EFHC2: variants seen among roughly 807,000 people sequenced by gnomAD.
EFHC2 encodes EF-hand domain containing 2.
A neutral mutation model predicts 52.7 loss-of-function variants in EFHC2; 18 were observed. The ratio of observed to expected loss-of-function variants is 0.34; its 90% CI spans 0.24 to 0.51. The LOEUF is 0.51. Among genes scored for constraint, EFHC2 ranks in the 20% least tolerant of loss-of-function variants. The pLI is 0.97. For synonymous variants in EFHC2, 203 were observed against 204.1 expected (o/e 0.99, Z 0.04); for missense variants, 513 against 562.5 (o/e 0.91, Z 0.89).
At chrX:44,270,289 A>G (rs969029836) in intron 3 of EFHC2, among the ~76,000 whole-genome samples, 5 of 111,732 alleles carry the variant, frequency 4.5e-5, no homozygotes, top group African/African-American at 1.6e-4. Context: ...TGCTCTAAGA[A>G]AAACCTCAAT....
chrX:44,215,533 G>C (rs1247236858), intron 11 of EFHC2, among the ~76,000 whole-genome samples: 2 of 107,316 alleles, frequency 1.9e-5, no homozygotes, highest in South Asian at 8.7e-4. Flanking sequence ...TTCCATTGGG[G>C]GGGGGTGGTG....
intron 8 of EFHC2, among the ~76,000 whole-genome samples, chrX:44,239,287 T>C (rs938762040): frequency 1.9e-4 from 21 of 112,080 alleles, no homozygotes; most frequent in Non-Finnish European, 3.4e-4. Context: ...AAGTCATCTG[T>C]CTCTTCTATC....
At chrX:44,151,400 C>A (rs185000581) in intron 14 of EFHC2, among the ~76,000 whole-genome samples, 1 of 111,623 alleles carries the variant, frequency 9.0e-6, no homozygotes, top group East Asian at 2.8e-4. Context: ...TTCAGAAGGC[C>A]AGAAGTCCAA....
At chrX:44,270,560 G>C (rs1424798964) in intron 3 of EFHC2, among the ~76,000 whole-genome samples, 1 of 111,795 alleles carries the variant, frequency 8.9e-6, no homozygotes, top group Non-Finnish European at 1.9e-5. Context: ...GAAAGAAAGG[G>C]ATGGAAAAAC....
chrX:44,187,135 G>GTGTATATATATATATATATATA lies in EFHC2; in HGVS notation c.1752-8572_1752-8571insTATATATATATATATATATACA, dbSNP rs1556001678. ...CCATGTCTCAAAGGAAAACAAAATG[G>GTGTATATATATATATATATATA]TATATATATATATATATGGGCTTTA... On this transcript the variant is annotated intron_variant, in intron 11 of 14. Coordinates refer to ENST00000420999, the MANE Select transcript of EFHC2 (RefSeq NM_025184.4). 6.5e-4 allele frequency among the ~76,000 whole-genome samples: 40 copies of GTGTATATATATATATATATATA among 61,753 alleles called. 3 individuals carry two copies. The highest frequency in any genetic ancestry group is 3.0e-3 in the African/African-American group (37 of 12,158). The allele number at this position is 61,753 out of a possible 115,157, so 53.6% of individuals were successfully genotyped here. A position where few individuals can be genotyped will look rare whatever the true frequency, so the allele number is the denominator to read the frequency against.
Position 44,187,971 on chromosome X carries a change from T to TG in EFHC2, c.1752-9408_1752-9407insC, listed in dbSNP as rs1200209711. On this transcript the variant is annotated intron_variant, in intron 11 of 14. Coordinates refer to ENST00000420999, the MANE Select transcript of EFHC2 (RefSeq NM_025184.4). ...CAGAAGTAAAAGAAAAAAAAAAGTG[T>TG]TTTTTTTTTTTCTTTCTTTAACAGA... Among the ~76,000 whole-genome samples, 5 of 1,299 alleles carry TG rather than the reference T, an allele frequency of 3.8e-3. 1 individual carries two copies. Among genetic ancestry groups the TG allele is most frequent in the Non-Finnish European group, 0.019 (2 of 103 alleles). The allele number at this position is 1,299 out of a possible 115,157, so 1.1% of individuals were successfully genotyped here.
intron 1 of EFHC2, among the ~76,000 whole-genome samples, chrX:44,337,204 G>T (rs1386679507): frequency 9.0e-6 from 1 of 111,333 alleles, no homozygotes; most frequent in Non-Finnish European, 1.9e-5. Flanking sequence ...AAAGTTTTTT[G>T]AATGTATGGA....
intron 11 of EFHC2, among the ~76,000 whole-genome samples, chrX:44,191,283 T>C (rs891307701): frequency 3.6e-5 from 4 of 111,101 alleles, no homozygotes; most frequent in African/African-American, 1.3e-4. Flanking sequence ...TTGCCCAGGC[T>C]GGAGTGCAAT....
chrX:44,277,281 A>AAAAAG (rs35893563), intron 2 of EFHC2, among the ~76,000 whole-genome samples: 1 of 102,470 alleles, frequency 9.8e-6, no homozygotes, highest in African/African-American at 3.8e-5. Context: ...AAAAAAAAAA[A>AAAAAG]TCTTACAGCT....
At chrX:44,261,052 C>T (rs2037533681) in intron 4 of EFHC2, 23 bp downstream of exon 4, 6 of 1,169,851 alleles carry the variant, frequency 5.1e-6, no homozygotes, top group Non-Finnish European at 7.0e-6. Context: ...AAGACAAGAA[C>T]TCAACAAACG....
intron 2 of EFHC2, among the ~76,000 whole-genome samples, chrX:44,306,971 C>G (rs1366024039): frequency 8.9e-6 from 1 of 111,950 alleles, no homozygotes; most frequent in Non-Finnish European, 1.9e-5. Context: ...AAAGAATTAT[C>G]CCCCCTTCAG....
chrX:44,248,763 G>A (rs1370815616), intron 6 of EFHC2, 40 bp downstream of exon 6: 1 of 1,100,664 alleles, frequency 9.1e-7, no homozygotes, highest in African/African-American at 1.8e-5. Context: ...TTCCAAAGAA[G>A]TCACACTAGA....
At chrX:44,276,664 T>C (rs1361897912) in intron 2 of EFHC2, among the ~76,000 whole-genome samples, 1 of 112,200 alleles carries the variant, frequency 8.9e-6, no homozygotes, top group Non-Finnish European at 1.9e-5. Context: ...ATCTATCCTA[T>C]CTTCATGACA....
In EFHC2 at chrX:44,260,146, CAT is replaced by C. The variant is rs776746661; in HGVS notation, c.606+927_606+928del. Among the ~76,000 whole-genome samples, 594 of 111,344 alleles carry C rather than the reference CAT, an allele frequency of 5.3e-3. 5 individuals are homozygous for C. The highest frequency in any genetic ancestry group is 7.5e-3 in the Non-Finnish European group (399 of 53,094). ...GGGAGCGGGATCGATTCGATAAACACATGAGGGGACTTTCTGGGGGAAGAGAA... is the reference window on the plus strand; with the variant it reads ...GGGAGCGGGATCGATTCGATAAACACGAGGGGACTTTCTGGGGGAAGAGAA... On this transcript the variant is annotated intron_variant, in intron 4 of 14. Transcript: ENST00000420999.
chrX:44,338,363 T>C (rs1435350067), intron 1 of EFHC2, among the ~76,000 whole-genome samples: 1 of 70,495 alleles, frequency 1.4e-5, no homozygotes, highest in Non-Finnish European at 2.5e-5. Flanking sequence ...TAGCTGGGTA[T>C]GGTGGTGCAT....
chrX:44,277,238 G>A (rs916491209), intron 2 of EFHC2, among the ~76,000 whole-genome samples: 10 of 84,869 alleles, frequency 1.2e-4, no homozygotes, highest in Non-Finnish European at 1.9e-4. Context: ...CAGCCTGGGC[G>A]ACAGAGCGAG....
At chrX:44,239,340 C>T (rs2037343780) in intron 8 of EFHC2, among the ~76,000 whole-genome samples, 1 of 112,007 alleles carries the variant, frequency 8.9e-6, no homozygotes, top group Non-Finnish European at 1.9e-5. Flanking sequence ...TCTATTTGCT[C>T]ACTTCTTCAT....
At chrX:44,242,423 C>G (rs1486543477) in intron 7 of EFHC2, 134 bp from the exon 8 acceptor site, 2 of 654,032 alleles carry the variant, frequency 3.1e-6, no homozygotes, top group African/African-American at 4.8e-5. Context: ...TCAAACAAAA[C>G]AGCAAAATCC....
chrX:44,151,596 C>T (rs1288887278), intron 14 of EFHC2, among the ~76,000 whole-genome samples: 2 of 111,675 alleles, frequency 1.8e-5, no homozygotes, highest in Non-Finnish European at 3.8e-5. Flanking sequence ...ACGCAGCTTT[C>T]TTATAAAGTC....
Sources: allele counts gnomAD v4.1 joint callset (sites outside exome capture counted in the v4.1 genomes callset), GRCh38; gene constraint gnomAD v4.1.1; transcripts MANE v1.5; gene names NCBI Gene and HGNC (gene_info 2026-07-23, HGNC 2026-07-21).